The following XPO1 variants were observed in gnomAD, a reference collection of about 807,000 sequenced individuals.
The protein encoded by XPO1 is exportin-1.
A neutral mutation model predicts 133.3 loss-of-function variants in XPO1; 5 were observed. That is an observed-to-expected ratio of 0.04 (90% CI 0.02 to 0.08). XPO1 has a LOEUF of 0.08. Ranked by LOEUF, XPO1 falls within the 10% of genes least tolerant of loss-of-function variation. The pLI, the probability that XPO1 is intolerant of heterozygous loss-of-function variation, is 1.00. For missense variants in XPO1, 506 were observed against 1,267.5 expected, an observed-to-expected ratio of 0.40 and a Z score of 9.12; for synonymous variants, 419 against 408.2, an observed-to-expected ratio of 1.03 and a Z score of -0.32.
intron 4 of XPO1, among the ~76,000 whole-genome samples, chr2:61,520,677 TA>T (rs1309594947): frequency 6.6e-6 from 1 of 152,142 alleles, no homozygotes; most frequent in Non-Finnish European, 1.5e-5. Context: ...AAAAATTTTT[TA>T]AATTAATTTT....
intron 19 of XPO1, among the ~76,000 whole-genome samples, chr2:61,487,002 G>A (rs1356828311): frequency 7.0e-6 from 1 of 143,180 alleles, no homozygotes; most frequent in Admixed American, 7.0e-5. Flanking sequence ...TTTTTTTTGA[G>A]ACGAAGTTTC....
In XPO1 at chr2:61,478,542, C is replaced by T. The variant is rs930759316; in HGVS notation, c.*278G>A. ...TATGTTCAAATCGAATTTGCCTCCT[C>T]CCCCCAGCCCAGCCACAAAAATGGG... On this transcript the variant is annotated 3_prime_UTR_variant, in exon 25 of 25. Transcript: ENST00000401558. 20 of 353,784 alleles carry T rather than the reference C, an allele frequency of 5.7e-5. No homozygotes were observed. The highest frequency in any genetic ancestry group is 9.6e-5 in the Non-Finnish European group (19 of 197,696). The allele number at this position is 353,784 out of a possible 1,614,324, so 21.9% of individuals were successfully genotyped here.
At chr2:61,518,459 C>T (rs1698519263) in intron 4 of XPO1, among the ~76,000 whole-genome samples, 2 of 132,686 alleles carry the variant, frequency 1.5e-5, no homozygotes, top group African/African-American at 5.7e-5. Flanking sequence ...CACACACACA[C>T]ACACAAAGTT....
intron 24 of XPO1, among the ~76,000 whole-genome samples, chr2:61,479,616 C>T (rs1696237373): frequency 6.6e-6 from 1 of 152,158 alleles, no homozygotes; most frequent in South Asian, 2.1e-4. Flanking sequence ...GTGATAGAGT[C>T]TTGTTCTGTA....
At chr2:61,534,974 T>C (rs1699299145) in intron 1 of XPO1, among the ~76,000 whole-genome samples, 1 of 152,210 alleles carries the variant, frequency 6.6e-6, no homozygotes, top group Non-Finnish European at 1.5e-5. Context: ...AAATTCCAGG[T>C]ATTCATTGGC....
intron 4 of XPO1, among the ~76,000 whole-genome samples, chr2:61,512,198 T>C (rs1014780910): frequency 5.9e-5 from 9 of 152,244 alleles, no homozygotes; most frequent in Admixed American, 5.2e-4. Context: ...TTCTGTGGGA[T>C]TTCTCATGAA....
At chr2:61,493,646 T>C (rs1396784235) in intron 12 of XPO1, 4 of 410,474 alleles carry the variant, frequency 9.7e-6, no homozygotes, top group South Asian at 6.9e-5. Context: ...GTTTAGTAGA[T>C]TGGCAGGTGG....
At chr2:61,527,057 C>T (rs916509127) in intron 2 of XPO1, among the ~76,000 whole-genome samples, 1 of 152,144 alleles carries the variant, frequency 6.6e-6, no homozygotes, top group Admixed American at 6.5e-5. Flanking sequence ...GAAACAGTAA[C>T]ATTTTTGGGA....
intron 1 of XPO1, chr2:61,534,191 ATTAT>A (rs1230749635): frequency 4.6e-6 from 1 of 217,444 alleles, no homozygotes; most frequent in African/African-American, 2.3e-5. Context: ...ATGCTAACCT[ATTAT>A]TTAAACGCAT....
chr2:61,483,819 C>T (rs1696535376), intron 21 of XPO1, 118 bp downstream of exon 21: 1 of 1,157,060 alleles, frequency 8.6e-7, no homozygotes, highest in Admixed American at 2.5e-5. Context: ...CTCAGATGTT[C>T]ATATATGTAA....
At chr2:61,537,468 G>T (rs920152934) in intron 1 of XPO1, 94 bp downstream of exon 1, 2 of 146,904 alleles carry the variant, frequency 1.4e-5, no homozygotes, top group East Asian at 2.0e-4. Context: ...CTCGCTTCCC[G>T]CGGCCGCCGC....
rs189361552 is a variant in XPO1, at chr2:61,497,019, G to C, written c.760-12C>G. ...GGAACATTCAGGAACTATTTAAAAG[G>C]GGGGAGGGAACCATAAAATTAATTG... On this transcript the variant is annotated splice_polypyrimidine_tract_variant and intron_variant, in intron 9 of 24. Coordinates refer to ENST00000401558, the MANE Select transcript of XPO1 (RefSeq NM_003400.4). 11 of 1,598,210 alleles carry C rather than the reference G, an allele frequency of 6.9e-6. No homozygotes were observed. The highest frequency in any genetic ancestry group is 4.0e-5 in the African/African-American group (3 of 74,082).
Position 61,488,682 on chromosome 2 carries a change from G to A in XPO1, c.2112C>T (p.His704=), listed in dbSNP as rs772507772. The A allele has an allele frequency of 3.7e-6, 6 of 1,614,004 alleles. No homozygotes were observed. In the South Asian group the frequency reaches 6.6e-5, roughly 18 times the overall value. The change falls in exon 18 of 25, where the codon CAC becomes CAT. Residue 704 remains histidine, a synonymous_variant. Transcript: ENST00000401558. The stretch of plus-strand genomic sequence containing the variant: ...TTCTTCCAAGCTGAATTACAAAGGG[G>A]TGTCCAACAGCTTTGCAGGCTCTCA... The part of the protein sequence containing the change: ...TNVRACKAVG[H]PFVIQLGRIY...
rs555719568 is a variant in XPO1 at position 61,511,564 on chromosome 2, A to G, written c.302-9254T>C. ...GTGGCTGAAACTACAGGGGCACTCG[A>G]CCATACACTGCTAGTTTTCTGTATT... is the stretch of plus-strand genomic sequence containing the variant. On this transcript the variant is annotated intron_variant, in intron 4 of 24. Coordinates refer to ENST00000401558, the MANE Select transcript of XPO1 (RefSeq NM_003400.4). 4.6e-5 allele frequency among the ~76,000 whole-genome samples: 7 copies of G among 152,214 alleles called. No individual in the cohort carries two copies. In the South Asian group the frequency reaches 1.5e-3, roughly 32 times the overall value.
rs570914246 is a variant in XPO1, at chr2:61,499,981, G to A, written c.409-87C>T. ...CAAAGAAATTATGTAATGGATAAAG[G>A]CAGGAGTAAGGATAAATCACTTTTC... is the stretch of plus-strand genomic sequence containing the variant. On this transcript the variant is annotated intron_variant, in intron 6 of 24. Transcript: ENST00000401558. 74 of 1,283,110 alleles carry A rather than the reference G, an allele frequency of 5.8e-5. No individual in the cohort carries two copies. In the East Asian group the frequency reaches 1.5e-3, roughly 26 times the overall value. The allele number at this position is 1,283,110 out of a possible 1,614,324, so 79.5% of individuals were successfully genotyped here.
At chr2:61,534,132 T>C (rs1699269018) in intron 1 of XPO1, 1 of 364,326 alleles carries the variant, frequency 2.7e-6, no homozygotes, top group African/African-American at 2.1e-5. Flanking sequence ...TTCTAGTGTT[T>C]AGTTTATACA....
chr2:61,512,544 A>C (rs1698145915), intron 4 of XPO1, among the ~76,000 whole-genome samples: 1 of 152,222 alleles, frequency 6.6e-6, no homozygotes, highest in Non-Finnish European at 1.5e-5. Context: ...CACGTTCAAG[A>C]GATAAGTGAA....
At chr2:61,490,547 A>C (rs1418756860) in intron 17 of XPO1, 95 bp downstream of exon 17, 4 of 1,529,606 alleles carry the variant, frequency 2.6e-6, no homozygotes, top group Non-Finnish European at 3.6e-6. Flanking sequence ...TATGGATCAC[A>C]CATACATGTT....
At chr2:61,491,616 GC>G (rs1697002335) in intron 16 of XPO1, among the ~76,000 whole-genome samples, 1 of 151,962 alleles carries the variant, frequency 6.6e-6, no homozygotes, top group Non-Finnish European at 1.5e-5. Context: ...ATTTAACCAG[GC>G]TGGGCGTGGT....
Sources: allele counts gnomAD v4.1 joint callset (sites outside exome capture counted in the v4.1 genomes callset), GRCh38; gene constraint gnomAD v4.1.1; transcripts MANE v1.5; gene names NCBI Gene and HGNC (gene_info 2026-07-23, HGNC 2026-07-21).